SCYL1: variants seen among roughly 807,000 people sequenced by gnomAD.
SCYL1 encodes N-terminal kinase-like protein.
Under a neutral mutation model 94.8 loss-of-function variants are expected in SCYL1, and 85 were observed. The observed-to-expected ratio is 0.90, with a 90% confidence interval of 0.75 to 1.07. The LOEUF (loss-of-function observed/expected upper bound fraction) is 1.07, where lower values mean the gene tolerates loss of function less well. SCYL1 is among the 50% of genes least tolerant of loss of function. The pLI is 0.00. For missense variants in SCYL1, 968 were observed against 1,083.3 expected (o/e 0.89, Z 1.49); for synonymous variants, 459 against 435.5 (o/e 1.05, Z -0.67).
chr11:65,528,849 G>C (rs1003030859), intron 6 of SCYL1, among the ~76,000 whole-genome samples: 4 of 152,200 alleles, frequency 2.6e-5, no homozygotes, highest in African/African-American at 9.6e-5. Context: ...TGACATTGGA[G>C]CTGGGGCCTG....
In SCYL1 at chr11:65,526,376, C is replaced by T. The variant is rs1443612419; in HGVS notation, c.602+26C>T. 1 of 1,553,008 alleles carries T rather than the reference C, an allele frequency of 6.4e-7. No individual in the cohort carries two copies. Among genetic ancestry groups the T allele is most frequent in the African/African-American group, 1.4e-5 (1 of 73,850 alleles). Reference sequence around the variant, plus strand: ...GTGGGTGACTGGGGGCAGCGCGCCCCAACCTGCCCTGTCCTGGAGGCCCCT... The same window carrying T: ...GTGGGTGACTGGGGGCAGCGCGCCCTAACCTGCCCTGTCCTGGAGGCCCCT... On this transcript the variant is annotated intron_variant, in intron 4 of 17. Coordinates refer to ENST00000270176, the MANE Select transcript of SCYL1 (RefSeq NM_020680.4). The surrounding 1 kb of genome is among the most constrained non-coding windows in gnomAD (Gnocchi z 4.1).
chr11:65,538,280 A>G lies in SCYL1; in HGVS notation c.2258A>G (p.Asp753Gly), dbSNP rs1481354373. ...SARPSTQPRP[D>G]SWGEDNWEGL... ...CACTTCTCTTTACAGCCGAGGCCAG[A>G]CTCTTGGGGTGAGGACAACTGGGAG... Residue 753 changes from aspartate (D) to glycine (G), a missense_variant, in exon 17 of 18, where the codon GAC becomes GGC. By Grantham distance (94) the Asp-to-Gly change is moderately conservative. Transcript: ENST00000270176. The G allele has an allele frequency of 6.4e-7, 1 of 1,552,640 alleles. No individual in the cohort carries two copies. Among genetic ancestry groups the G allele is most frequent in the East Asian group, 2.4e-5 (1 of 41,062 alleles).
intron 14 of SCYL1, 52 bp downstream of exon 14, chr11:65,537,180 G>T (rs759978597): frequency 8.1e-6 from 13 of 1,605,150 alleles, no homozygotes; most frequent in Non-Finnish European, 1.1e-5. Flanking sequence ...AAATCCACAG[G>T]CTGCCATTCA....
intron 9 of SCYL1, among the ~76,000 whole-genome samples, chr11:65,534,745 G>T (rs532140945): frequency 6.6e-6 from 1 of 152,308 alleles, no homozygotes; most frequent in South Asian, 2.1e-4. Flanking sequence ...TAGAGTCTCA[G>T]CAAAAGGAGC....
At chr11:65,532,569 A>G in intron 8 of SCYL1, 123 bp from the exon 9 acceptor site, 1 of 750,762 alleles carries the variant, frequency 1.3e-6, no homozygotes, top group South Asian at 1.7e-5. Context: ...GTGGTGGCTC[A>G]GGAGGTTGAC....
chr11:65,535,677 CG>C (rs1590739825), intron 10 of SCYL1: 2 of 580,456 alleles, frequency 3.4e-6, no homozygotes, highest in East Asian at 5.7e-5. Context: ...CAGGAATGAA[CG>C]GTCAGCTGGG....
Position 65,537,802 on chromosome 11 carries a change from A to G in SCYL1, c.1960-7A>G, listed in dbSNP as rs759054865. On this transcript the variant is annotated splice_region_variant and splice_polypyrimidine_tract_variant and intron_variant, in intron 14 of 17. Coordinates refer to ENST00000270176, the MANE Select transcript of SCYL1 (RefSeq NM_020680.4). Reference sequence around the variant, plus strand: ...GTGGGAGTCAGTGGTCCCTTCCCACACTGCAGCAGGAGGCCGAGTCTGTGC... The same window carrying G: ...GTGGGAGTCAGTGGTCCCTTCCCACGCTGCAGCAGGAGGCCGAGTCTGTGC... The G allele has an allele frequency of 2.6e-6, 4 of 1,554,086 alleles. No homozygotes were observed. Among genetic ancestry groups the G allele is most frequent in the Non-Finnish European group, 3.5e-6 (4 of 1,148,604 alleles).
chr11:65,538,598 A>G lies in SCYL1; in HGVS notation c.*32A>G, dbSNP rs1268900363. On this transcript the variant is annotated 3_prime_UTR_variant, in exon 18 of 18. Transcript: ENST00000270176. ...GCGGTGGCCCTTCCCGGCTGCGGAG[A>G]GCCCGCCCCACAGATGTATTTATTG... The G allele has an allele frequency of 6.3e-7, 1 of 1,599,488 alleles. No individual in the cohort carries two copies. The highest frequency in any genetic ancestry group is 1.1e-5 in the South Asian group (1 of 89,834).
chr11:65,534,674 C>T (rs1403048344), intron 9 of SCYL1, among the ~76,000 whole-genome samples: 2 of 152,106 alleles, frequency 1.3e-5, no homozygotes, highest in African/African-American at 2.4e-5. Context: ...GCTGAGATCA[C>T]CTAGGGCAAG....
intron 1 of SCYL1, 96 bp from the exon 2 acceptor site, chr11:65,525,478 C>T: frequency 6.7e-7 from 1 of 1,488,656 alleles, no homozygotes; most frequent in Non-Finnish European, 9.0e-7. Flanking sequence ...CGAAGTGTCC[C>T]TAAGGCTGAC....
intron 9 of SCYL1, among the ~76,000 whole-genome samples, chr11:65,533,609 T>C (rs1305242287): frequency 6.8e-6 from 1 of 147,070 alleles, no homozygotes; most frequent in Admixed American, 6.8e-5. Flanking sequence ...CCAAACCCCA[T>C]CTCTACAAAA....
intron 1 of SCYL1, 135 bp from the exon 2 acceptor site, chr11:65,525,439 C>T: frequency 8.5e-7 from 1 of 1,170,502 alleles, no homozygotes; most frequent in Non-Finnish European, 1.2e-6. Context: ...GACCGACAGG[C>T]GGACAGGGCC....
At position 65,526,809 on chromosome 11, in the gene SCYL1, G is replaced by A. The variant is rs773144330; in HGVS notation, c.629G>A (p.Cys210Tyr). Residue 210 changes from cysteine (C) to tyrosine (Y), a missense_variant, in exon 5 of 18, where the codon TGC becomes TAC. Cys to Tyr is a radical substitution (Grantham distance 194). Coordinates refer to ENST00000270176, the MANE Select transcript of SCYL1 (RefSeq NM_020680.4). The surrounding 1 kb of genome is among the most constrained non-coding windows in gnomAD (Gnocchi z 4.1). ...TCAGCAGACATGTGGCGCTTGGGCT[G>A]CCTCATTTGGGAAGTCTTCAATGGG... ...KWSADMWRLG[C>Y]LIWEVFNGPL... is the part of the protein sequence containing the mutation. The A allele has an allele frequency of 1.9e-6, 3 of 1,613,082 alleles. No homozygotes were observed. Among genetic ancestry groups the A allele is most frequent in the East Asian group, 2.2e-5 (1 of 44,860 alleles).
At position 65,526,501 on chromosome 11, in the gene SCYL1, C is replaced by G; in HGVS notation, c.602+151C>G. The G allele has an allele frequency of 5.4e-6, 4 of 734,514 alleles. No individual in the cohort carries two copies. Among genetic ancestry groups the G allele is most frequent in the Non-Finnish European group, 8.9e-6 (4 of 449,266 alleles). 45.5% of individuals were successfully genotyped at this position (734,514 alleles called of 1,614,324 possible). ...CAGGAGTGAGGGACACTCCTCTGCCCCCAGGGTCCTCAGGGCGGTAGGGCG... is the reference window on the plus strand; with the variant it reads ...CAGGAGTGAGGGACACTCCTCTGCCGCCAGGGTCCTCAGGGCGGTAGGGCG... On this transcript the variant is annotated intron_variant, in intron 4 of 17. Transcript: ENST00000270176. The surrounding 1 kb of genome is among the most constrained non-coding windows in gnomAD (Gnocchi z 4.1).
Position 65,537,169 on chromosome 11 carries a change from C to G in SCYL1, c.1959+41C>G, listed in dbSNP as rs766685653. 24 of 1,610,550 alleles carry G rather than the reference C, an allele frequency of 1.5e-5. No individual in the cohort carries two copies. In the Admixed American group the frequency reaches 4.0e-4, roughly 27 times the overall value. On this transcript the variant is annotated intron_variant, in intron 14 of 17. Transcript: ENST00000270176. Reference sequence around the variant, plus strand: ...GGAGCCTCCCCAGGGGACCCCAGCTCAAATCCACAGGCTGCCATTCAGGGA... The same window carrying G: ...GGAGCCTCCCCAGGGGACCCCAGCTGAAATCCACAGGCTGCCATTCAGGGA...
At position 65,537,021 on chromosome 11, in the gene SCYL1, ACCCCTACAACCTCAGG is replaced by A; in HGVS notation, c.1855_1870del (p.Pro619ThrfsTer49). 6.4e-7 allele frequency: 1 copy of A among 1,568,298 alleles called. No homozygotes were observed. The highest frequency in any genetic ancestry group is 8.7e-7 in the Non-Finnish European group (1 of 1,146,664). On this transcript the variant is annotated frameshift_variant, in exon 14 of 18. Transcript: ENST00000270176. LOFTEE classifies it high-confidence loss of function. ...CCCAGCCCCCACCCCTGTTCCTGCC[ACCCCTACAACCTCAGG>A]CCACTGGGAGACGCAGGAGGAGGAC...
chr11:65,537,703 G>A (rs923743630), intron 14 of SCYL1, 106 bp from the exon 15 acceptor site: 9 of 970,356 alleles, frequency 9.3e-6, no homozygotes, highest in Admixed American at 5.5e-5. Flanking sequence ...CAAATGAGGA[G>A]GAAGGCAAAA....
At chr11:65,536,837 G>C in intron 13 of SCYL1, 87 bp downstream of exon 13, 1 of 1,447,926 alleles carries the variant, frequency 6.9e-7, no homozygotes, top group South Asian at 1.3e-5. Context: ...ACTCCCCCGG[G>C]GATGGTGAAG....
intron 14 of SCYL1, 57 bp from the exon 15 acceptor site, chr11:65,537,752 G>T: frequency 7.0e-7 from 1 of 1,421,742 alleles, no homozygotes; most frequent in East Asian, 2.5e-5. Flanking sequence ...ATGCTGGGGC[G>T]GGCTCACTTG....
Sources: allele counts gnomAD v4.1 joint callset (sites outside exome capture counted in the v4.1 genomes callset), GRCh38; gene constraint gnomAD v4.1.1; non-coding constraint Gnocchi (gnomAD v3.1); transcripts MANE v1.5; gene names NCBI Gene and HGNC (gene_info 2026-07-23, HGNC 2026-07-21).